ROCK2: variants seen among roughly 807,000 people sequenced by gnomAD.
ROCK2 encodes the protein rho-associated protein kinase 2.
Under a neutral mutation model 195.1 loss-of-function variants are expected in ROCK2, and 61 were observed. The observed-to-expected ratio is 0.31, with a 90% CI of 0.25 to 0.39. The LOEUF (loss-of-function observed/expected upper bound fraction) is 0.39. Ranked by LOEUF, ROCK2 falls within the 10% of genes least tolerant of loss-of-function variation. The probability of loss-of-function intolerance (pLI) is 1.00; values close to 1 mark genes in which losing one functional copy is unlikely to be tolerated. For missense variants in ROCK2, 1,109 were observed against 1,637.4 expected (o/e 0.68, Z 5.57); for synonymous variants, 504 against 545.5 (o/e 0.92, Z 1.06).
rs1179124201 is a variant in ROCK2 at position 11,179,858 on chromosome 2, AAAAG to A, written c.*3575_*3578del. On this transcript the variant is annotated 3_prime_UTR_variant, in exon 33 of 33. Transcript: ENST00000315872. ...CTACGAAGATGCAACAAAATTTTAAAAAAGAAAAAGGGGTGCAATTTTTTTCAGA... is the reference window on the plus strand; with the variant it reads ...CTACGAAGATGCAACAAAATTTTAAAAAAAAGGGGTGCAATTTTTTTCAGA... The A allele has an allele frequency of 1.3e-5, 2 of 152,226 alleles. No homozygotes were observed. Among genetic ancestry groups the A allele is most frequent in the East Asian group, 1.9e-4 (1 of 5,202 alleles). 9.4% of individuals were successfully genotyped at this position (152,226 alleles called of 1,614,324 possible). A position where few individuals can be genotyped will look rare whatever the true frequency, so the allele number is the denominator to read the frequency against.
intron 27 of ROCK2, among the ~76,000 whole-genome samples, chr2:11,196,907 G>A (rs1247697503): frequency 6.6e-6 from 1 of 152,022 alleles, no homozygotes; most frequent in African/African-American, 2.4e-5. Flanking sequence ...AGAAAGAAGA[G>A]AAAATGAAAC....
intron 1 of ROCK2, 115 bp from the exon 2 acceptor site, chr2:11,287,851 G>T (rs985346152): frequency 1.5e-5 from 6 of 396,438 alleles, no homozygotes; most frequent in Non-Finnish European, 2.3e-5. Context: ...AACCCACTTT[G>T]ATATGATAGT....
rs576557443 is a variant in ROCK2, at chr2:11,337,409, T to A, written c.141+6587A>T. 2.0e-5 allele frequency among the ~76,000 whole-genome samples: 3 copies of A among 152,206 alleles called. No individual in the cohort carries two copies. In the East Asian group the frequency reaches 5.8e-4, roughly 29 times the overall value. ...CCCAATGTTTTTTAATGGGCAAAAATGGAGGTATGTTGCTTCAAACAGATG... is the reference window on the plus strand; with the variant it reads ...CCCAATGTTTTTTAATGGGCAAAAAAGGAGGTATGTTGCTTCAAACAGATG... On this transcript the variant is annotated intron_variant, in intron 1 of 32. Coordinates refer to ENST00000315872, the MANE Select transcript of ROCK2 (RefSeq NM_004850.5).
intron 1 of ROCK2, among the ~76,000 whole-genome samples, chr2:11,342,137 G>T (rs1276539345): frequency 6.6e-6 from 1 of 152,112 alleles, no homozygotes; most frequent in African/African-American, 2.4e-5. Flanking sequence ...TTGCTCCAAA[G>T]GAATAAGGGA....
chr2:11,294,332 T>A (rs1667448453), intron 1 of ROCK2, among the ~76,000 whole-genome samples: 1 of 152,246 alleles, frequency 6.6e-6, no homozygotes, highest in Non-Finnish European at 1.5e-5. Context: ...AAGCAGCTGC[T>A]ATTGCAGAGT....
Position 11,344,060 on chromosome 2 carries a change from C to T in ROCK2, c.77G>A (p.Arg26His), listed in dbSNP as rs745722011. 5 of 1,585,250 alleles carry T rather than the reference C, an allele frequency of 3.2e-6. No individual in the cohort carries two copies. Among genetic ancestry groups the T allele is most frequent in the Non-Finnish European group, 2.6e-6 (3 of 1,167,536 alleles). The change falls in exon 1 of 33, where the codon CGC (arginine) becomes CAC (histidine). Residue 26 changes from arginine (R) to histidine (H), a missense_variant. Around this residue, in one of 6 missense-constraint regions of ROCK2, gnomAD observed 64 missense variants for 62.4 expected, o/e 1.03. Coordinates refer to ENST00000315872, the MANE Select transcript of ROCK2 (RefSeq NM_004850.5). This position sits in a 1 kb window ranked among gnomAD's most constrained non-coding sequence, Gnocchi z 5.4. ...TAPGDGAGAS[R>H]QRKLEALIRD... ...GATCAGCGCCTCCAGCTTCCTCTGG[C>T]GGCTCGCGCCTGCCCCGTCCCCCGG...
chr2:11,329,409 A>G (rs371626101), intron 1 of ROCK2, among the ~76,000 whole-genome samples: 1 of 151,860 alleles, frequency 6.6e-6, no homozygotes, highest in Non-Finnish European at 1.5e-5. Flanking sequence ...TATTTACATT[A>G]TATCATCCAG....
At position 11,235,676 on chromosome 2, in the gene ROCK2, T is replaced by A. The variant is rs368275452; in HGVS notation, c.723+26A>T. The A allele has an allele frequency of 4.4e-6, 7 of 1,581,200 alleles. No homozygotes were observed. Among genetic ancestry groups the A allele is most frequent in the African/African-American group, 1.4e-5 (1 of 74,008 alleles). ...TTTATTTCTGTCCCTCAAAACACTATCGTTTTAAATAATTTGCTTACTTAC... is the reference window on the plus strand; with the variant it reads ...TTTATTTCTGTCCCTCAAAACACTAACGTTTTAAATAATTTGCTTACTTAC... On this transcript the variant is annotated intron_variant, in intron 5 of 32. Coordinates refer to ENST00000315872, the MANE Select transcript of ROCK2 (RefSeq NM_004850.5). The surrounding 1 kb of genome is among the most constrained non-coding windows in gnomAD (Gnocchi z 4.2).
chr2:11,238,209 A>AGTGTGTGTGTGTGT (rs6146630), intron 4 of ROCK2, among the ~76,000 whole-genome samples: 27,781 of 135,086 alleles, frequency 0.21, 3,374 homozygotes, highest in East Asian at 0.31. Flanking sequence ...ATTGAGAAAG[A>AGTGTGTGTGTGTGT]GTGTGTGTGT....
intron 1 of ROCK2, among the ~76,000 whole-genome samples, chr2:11,335,607 A>C (rs1402605475): frequency 1.3e-5 from 2 of 152,260 alleles, no homozygotes; most frequent in Admixed American, 6.5e-5. Context: ...TATAATCATT[A>C]GACCTTAATC....
chr2:11,308,008 C>CG, intron 1 of ROCK2: 1 of 1,486,518 alleles, frequency 6.7e-7, no homozygotes, highest in African/African-American at 1.4e-5. Flanking sequence ...CAGGAGGGGA[C>CG]GGGGTGGGGA....
chr2:11,271,912 C>T (rs1221170169), intron 3 of ROCK2, among the ~76,000 whole-genome samples: 3 of 150,908 alleles, frequency 2.0e-5, no homozygotes, highest in Admixed American at 1.3e-4. Context: ...CCCAGCTACT[C>T]GGGAGGCTGA....
At chr2:11,333,835 A>T (rs1399118864) in intron 1 of ROCK2, among the ~76,000 whole-genome samples, 26 of 152,228 alleles carry the variant, frequency 1.7e-4, no homozygotes, top group Admixed American at 1.7e-3. Flanking sequence ...ACATAAAAAG[A>T]AGTAAATGTG....
chr2:11,191,307 T>C (rs1240316580), intron 32 of ROCK2, among the ~76,000 whole-genome samples: 2 of 152,228 alleles, frequency 1.3e-5, no homozygotes, highest in Non-Finnish European at 2.9e-5. Flanking sequence ...GACTTTCACA[T>C]AGCTATCCGA....
At chr2:11,345,389 T>G (rs1029009725), upstream of ROCK2, among the ~76,000 whole-genome samples, 10 of 152,120 alleles carry the variant, frequency 6.6e-5, no homozygotes, top group African/African-American at 2.4e-4. Flanking sequence ...TCCGCCGCAT[T>G]CCTGCCCTCT....
chr2:11,220,841 T>G (rs758588156), intron 9 of ROCK2, among the ~76,000 whole-genome samples: 6 of 152,216 alleles, frequency 3.9e-5, no homozygotes, highest in Non-Finnish European at 7.3e-5. Context: ...ATTTTTCTTC[T>G]GAACCATCCC....
At chr2:11,322,039 A>G (rs1400291260) in intron 1 of ROCK2, among the ~76,000 whole-genome samples, 2 of 152,164 alleles carry the variant, frequency 1.3e-5, no homozygotes, top group African/African-American at 4.8e-5. Context: ...GGGGTACACA[A>G]GCAAGAGGAA....
At position 11,197,393 on chromosome 2, in the gene ROCK2, C is replaced by A; in HGVS notation, c.3280-45G>T. The A allele has an allele frequency of 6.4e-7, 1 of 1,573,820 alleles. No homozygotes were observed. The highest frequency in any genetic ancestry group is 8.7e-7 in the Non-Finnish European group (1 of 1,151,418). On this transcript the variant is annotated intron_variant, in intron 26 of 32. Transcript: ENST00000315872. The surrounding 1 kb of genome is among the most constrained non-coding windows in gnomAD (Gnocchi z 4.9). ...AATAAGTTAATTGGATGCAACATAA[C>A]TCAACATTTTGCTTCTTGGTTCAAT... is the stretch of plus-strand genomic sequence containing the variant.
At chr2:11,333,831 AAAG>A (rs1300395920) in intron 1 of ROCK2, among the ~76,000 whole-genome samples, 1 of 152,208 alleles carries the variant, frequency 6.6e-6, no homozygotes, top group South Asian at 2.1e-4. Flanking sequence ...AGGTACATAA[AAAG>A]AAGTAAATGT....
Sources: allele counts gnomAD v4.1 joint callset (sites outside exome capture counted in the v4.1 genomes callset), GRCh38; gene constraint gnomAD v4.1.1; regional missense constraint gnomAD v4.1.1; non-coding constraint Gnocchi (gnomAD v3.1); transcripts MANE v1.5; gene names NCBI Gene and HGNC (gene_info 2026-07-23, HGNC 2026-07-21).